Variants in KRT40 observed in about 807,000 individuals in gnomAD.
KRT40 encodes keratin 40.
Under a neutral mutation model 43.5 loss-of-function variants are expected in KRT40, and 47 were observed. The ratio of observed to expected loss-of-function variants is 1.08; its 90% CI spans 0.86 to 1.38. KRT40 has a LOEUF of 1.38. Among genes scored for constraint, KRT40 ranks in the 40% most tolerant of loss-of-function variants. The pLI, the probability that KRT40 is intolerant of heterozygous loss-of-function variation, is 0.00. For synonymous variants in KRT40, 212 were observed against 214.0 expected, an observed-to-expected ratio of 0.99 and a Z score of 0.08; for missense variants, 573 against 523.6, an observed-to-expected ratio of 1.09 and a Z score of -0.92.
At chr17:40,978,525 T>C (rs1371840772) in intron 6 of KRT40, among the ~76,000 whole-genome samples, 1 of 152,230 alleles carries the variant, frequency 6.6e-6, no homozygotes, top group African/African-American at 2.4e-5. Context: ...TTTGCAAATG[T>C]TATCTTAGGC....
intron 3 of KRT40, among the ~76,000 whole-genome samples, chr17:40,981,701 T>C (rs996783463): frequency 3.3e-5 from 5 of 152,090 alleles, no homozygotes; most frequent in African/African-American, 1.2e-4. Context: ...AGGGGTGGCA[T>C]AAAGCCTCCA....
At chr17:40,982,944 G>A (rs1912262958) in intron 2 of KRT40, 102 bp downstream of exon 2, 3 of 561,868 alleles carry the variant, frequency 5.3e-6, no homozygotes, top group East Asian at 3.3e-5. Flanking sequence ...GGAGGCAGAG[G>A]TTGCAGTGAG....
chr17:40,978,239 G>A lies in KRT40; in HGVS notation c.1254C>T (p.Cys418=). ...CAACAGTGCAGATGACATAGGCTGA[G>A]CATGGCTCACAAGTGTTGCTCGAGG... ...TCTSSNTCEP[C]SAYVICTVEN... Residue 418 remains cysteine, a synonymous_variant, in exon 7 of 7, where the codon TGC becomes TGT. Transcript: ENST00000377755. 5.0e-6 allele frequency: 8 copies of A among 1,614,152 alleles called. No homozygotes were observed. Among genetic ancestry groups the A allele is most frequent in the Non-Finnish European group, 6.8e-6 (8 of 1,179,986 alleles).
intron 5 of KRT40, 43 bp from the exon 6 acceptor site, chr17:40,979,067 T>C (rs1911973138): frequency 2.6e-6 from 4 of 1,518,496 alleles, no homozygotes; most frequent in African/African-American, 2.8e-5. Flanking sequence ...AAGTGCAGTC[T>C]CTCGGGCCAG....
intron 6 of KRT40, 84 bp from the exon 7 acceptor site, chr17:40,978,380 C>G: frequency 1.8e-6 from 2 of 1,110,478 alleles, no homozygotes; most frequent in Non-Finnish European, 2.7e-6. Context: ...CAAAATTTGC[C>G]CTACAAATTA....
chr17:40,979,157 G>A, intron 5 of KRT40, 133 bp from the exon 6 acceptor site: 1 of 660,198 alleles, frequency 1.5e-6, no homozygotes, highest in South Asian at 1.9e-5. Flanking sequence ...GTGAGTCTCA[G>A]TTTTATTCTC....
chr17:40,982,223 TCGA>T, intron 3 of KRT40, 81 bp downstream of exon 3: 2 of 1,296,726 alleles, frequency 1.5e-6, no homozygotes, highest in Non-Finnish European at 2.1e-6. Context: ...CTGCCCAAAT[TCGA>T]TTTACAAACA....
At chr17:40,981,332 A>G in intron 3 of KRT40, 181 bp from the exon 4 acceptor site, 7 of 1,134,516 alleles carry the variant, frequency 6.2e-6, no homozygotes, top group Non-Finnish European at 9.0e-6. Context: ...CGTCTGTAAA[A>G]TGGACATAAT....
chr17:40,986,230 C>T (rs1239781868), upstream of KRT40: 1 of 151,190 alleles, frequency 6.6e-6, no homozygotes, highest in Non-Finnish European at 1.5e-5. Flanking sequence ...CTAACCTGCA[C>T]AATGTGATAA....
chr17:40,985,309 T>C (rs182472749), upstream of KRT40, among the ~76,000 whole-genome samples: 94 of 152,320 alleles, frequency 6.2e-4, no homozygotes, highest in African/African-American at 2.1e-3. Context: ...ATGAAATCTC[T>C]GGTGCCAAAT....
chr17:40,978,104 T>C lies in KRT40; in HGVS notation c.*93A>G. ...TTCCAGGATATGAGAGCCTCCTGGATTTGTGCTTCCGGTTTGGATGTCCCT... is the reference window on the plus strand; with the variant it reads ...TTCCAGGATATGAGAGCCTCCTGGACTTGTGCTTCCGGTTTGGATGTCCCT... On this transcript the variant is annotated 3_prime_UTR_variant, in exon 7 of 7. Transcript: ENST00000377755. The C allele has an allele frequency of 1.1e-6, 1 of 909,346 alleles. No individual in the cohort carries two copies. Among genetic ancestry groups the C allele is most frequent in the Middle Eastern group, 3.1e-4 (1 of 3,212 alleles). The allele number at this position is 909,346 out of a possible 1,614,324, so 56.3% of individuals were successfully genotyped here.
rs991500186 is a variant in KRT40 at position 40,980,221 on chromosome 17, G to A, written c.975+564C>T. Among the ~76,000 whole-genome samples, 76 of 152,146 alleles carry A rather than the reference G, an allele frequency of 5.0e-4. 1 individual carries two copies. Among genetic ancestry groups the A allele is most frequent in the African/African-American group, 1.8e-3 (76 of 41,442 alleles). ...TAAAGTTACTGTGAGCCTTAAATCAGCATAGTGCCTCTCACAGGATGAATG... is the reference window on the plus strand; with the variant it reads ...TAAAGTTACTGTGAGCCTTAAATCAACATAGTGCCTCTCACAGGATGAATG... On this transcript the variant is annotated intron_variant, in intron 5 of 6. Transcript: ENST00000377755.
chr17:40,981,129 TGTTCAC>T lies in KRT40; in HGVS notation c.704_709del (p.Arg235_Glu236del). On this transcript the variant is annotated inframe_deletion, in exon 4 of 7. Transcript: ENST00000377755. ...CTCCACACTGAGGCGGTCGCCAAGC[TGTTCAC>T]GAAGCAAGTTGACTTCCTGAAAGTG... 6.2e-7 allele frequency: 1 copy of T among 1,614,062 alleles called. No homozygotes were observed. Among genetic ancestry groups the T allele is most frequent in the Non-Finnish European group, 8.5e-7 (1 of 1,179,978 alleles).
chr17:40,977,850 GT>G lies in KRT40; in HGVS notation c.*346del, dbSNP rs1383479043. On this transcript the variant is annotated 3_prime_UTR_variant, in exon 7 of 7. Coordinates refer to ENST00000377755, the MANE Select transcript of KRT40 (RefSeq NM_001389244.1). ...GAGTTAAAAAATATTTTCAGCCTGG[GT>G]TTATGTACATTGAAACTATGGTTAT... 5.7e-6 allele frequency: 1 copy of G among 174,142 alleles called. No homozygotes were observed. The highest frequency in any genetic ancestry group is 1.2e-5 in the Non-Finnish European group (1 of 82,304). The allele number at this position is 174,142 out of a possible 1,614,324, so 10.8% of individuals were successfully genotyped here. A position where few individuals can be genotyped will look rare whatever the true frequency, so the allele number is the denominator to read the frequency against.
intron 5 of KRT40, among the ~76,000 whole-genome samples, chr17:40,979,318 A>G (rs1459853402): frequency 6.6e-6 from 1 of 152,114 alleles, no homozygotes; most frequent in African/African-American, 2.4e-5. Context: ...GATCGAGACC[A>G]TCCTGGCTAA....
chr17:40,983,122 A>G lies in KRT40; in HGVS notation c.454T>C (p.Cys152Arg), dbSNP rs770655808. The G allele has an allele frequency of 5.0e-5, 72 of 1,432,160 alleles. No individual in the cohort carries two copies. Among genetic ancestry groups the G allele is most frequent in the Non-Finnish European group, 6.5e-5 (67 of 1,025,264 alleles). 88.7% of individuals were successfully genotyped at this position (1,432,160 alleles called of 1,614,324 possible). ...TIEDLQQKIL[C>R]TKAENSRLAV... ...AGTCTAGAATTCTCTGCTTTCGTGC[A>G]TAAGATCTGGGAAGCAAGTCATTAT... Residue 152 changes from cysteine (C) to arginine (R), a missense_variant, in exon 2 of 7, where the codon TGC becomes CGC. Transcript: ENST00000377755.
In KRT40 at chr17:40,981,010, C is replaced by A; in HGVS notation, c.829G>T (p.Glu277Ter). 6.2e-7 allele frequency: 1 copy of A among 1,614,244 alleles called. No individual in the cohort carries two copies. Residue 277 changes from glutamate (E) to a stop codon, truncating the protein, a stop_gained, in exon 4 of 7, where the codon GAA becomes TAA. Coordinates refer to ENST00000377755, the MANE Select transcript of KRT40 (RefSeq NM_001389244.1). LOFTEE classifies it high-confidence loss of function. Reference protein sequence around the residue: ...TVLANNRREAEEWLAVQTEEL... With the variant: ...TVLANNRREA ...CTGACCTGAACAGCCAACCATTCTT[C>A]AGCTTCTCTGCGATTGTTGGCAAGC... is the stretch of plus-strand genomic sequence containing the variant.
upstream of KRT40, among the ~76,000 whole-genome samples, chr17:40,986,716 T>C (rs1326790782): frequency 6.8e-6 from 1 of 147,128 alleles, no homozygotes; most frequent in East Asian, 2.0e-4. Context: ...GAAATAGACA[T>C]CATGAAAGGC....
rs1332582224 is a variant in KRT40 at position 40,980,980 on chromosome 17, G to A, written c.849+10C>T. 4 of 1,613,618 alleles carry A rather than the reference G, an allele frequency of 2.5e-6. No individual in the cohort carries two copies. Among genetic ancestry groups the A allele is most frequent in the Admixed American group, 1.7e-5 (1 of 59,778 alleles). On this transcript the variant is annotated intron_variant, in intron 4 of 6. Coordinates refer to ENST00000377755, the MANE Select transcript of KRT40 (RefSeq NM_001389244.1). ...TGTAAGCCTGACATTTTTTCAATCT[G>A]GGTACTGACCTGAACAGCCAACCAT...
Sources: gnomAD v4.1 joint callset for allele counts (sites outside exome capture counted in the v4.1 genomes callset) on GRCh38, gnomAD v4.1.1 for gene constraint, MANE v1.5 for transcripts, NCBI Gene and HGNC (gene_info 2026-07-23, HGNC 2026-07-21) for gene names.